Variants in ANKS1A observed in about 807,000 individuals in gnomAD.
ANKS1A encodes ankyrin repeat and sterile alpha motif domain containing 1A, also known as ankyrin repeat and SAM domain-containing protein 1A.
In ANKS1A, 55 loss-of-function variants were observed where a neutral mutation model predicts 120.3. The ratio of observed to expected loss-of-function variants is 0.46; its 90% CI spans 0.37 to 0.57. ANKS1A has a LOEUF of 0.57. ANKS1A is among the 20% of genes least tolerant of loss of function. The probability of loss-of-function intolerance (pLI) is 0.00; values close to 1 mark genes in which losing one functional copy is unlikely to be tolerated. For synonymous variants in ANKS1A, 590 were observed against 604.7 expected, an observed-to-expected ratio of 0.98 and a Z score of 0.36; for missense variants, 1,123 against 1,480.3, an observed-to-expected ratio of 0.76 and a Z score of 3.96.
At chr6:34,929,147 A>G (rs528436489) in intron 1 of ANKS1A, among the ~76,000 whole-genome samples, 47 of 152,354 alleles carry the variant, frequency 3.1e-4, no homozygotes, top group African/African-American at 1.1e-3. Flanking sequence ...AGGCTTTACT[A>G]TAAAGCACTT....
In ANKS1A at chr6:34,982,889, G is replaced by C; in HGVS notation, c.808+62G>C. 2 of 1,603,260 alleles carry C rather than the reference G, an allele frequency of 1.2e-6. No homozygotes were observed. Among genetic ancestry groups the C allele is most frequent in the Non-Finnish European group, 1.7e-6 (2 of 1,170,688 alleles). On this transcript the variant is annotated intron_variant, in intron 5 of 23. Transcript: ENST00000360359. The surrounding 1 kb of genome is among the most constrained non-coding windows in gnomAD (Gnocchi z 4.9). ...CCAGGGTTGGGATTGTTTCTCCCTAGTCCCCTAGGGGGATTTTTGCTGGCT... is the reference window on the plus strand; with the variant it reads ...CCAGGGTTGGGATTGTTTCTCCCTACTCCCCTAGGGGGATTTTTGCTGGCT...
chr6:34,993,617 C>T (rs1772690103), intron 9 of ANKS1A, among the ~76,000 whole-genome samples: 1 of 152,178 alleles, frequency 6.6e-6, no homozygotes, highest in Non-Finnish European at 1.5e-5. Context: ...TCCCAATAAC[C>T]CTCAGGACCT....
intron 13 of ANKS1A, among the ~76,000 whole-genome samples, chr6:35,061,999 C>T (rs1254169899): frequency 1.3e-5 from 2 of 152,240 alleles, no homozygotes; most frequent in Admixed American, 6.5e-5. Context: ...ACCTCTCCTT[C>T]TGCTGATTTT....
At chr6:34,985,371 G>A (rs1004713433) in intron 8 of ANKS1A, 93 bp downstream of exon 8, 4 of 1,307,152 alleles carry the variant, frequency 3.1e-6, no homozygotes, top group Non-Finnish European at 3.2e-6. Flanking sequence ...GTGATCCCTG[G>A]TGCCAGCTCA....
chr6:34,903,572 A>G (rs1011442415), intron 1 of ANKS1A, among the ~76,000 whole-genome samples: 1 of 151,900 alleles, frequency 6.6e-6, no homozygotes, highest in Non-Finnish European at 1.5e-5. Context: ...ATCTTGGCTC[A>G]CAGGGGCCTC....
In ANKS1A at chr6:34,988,378, C is replaced by T. The variant is rs190783397; in HGVS notation, c.1210-846C>T. ...TTGGGAGGCCAAGGCGGGTGGATCA[C>T]AAGGTCAGGAGATCCAGACCATCCT... is the stretch of plus-strand genomic sequence containing the variant. On this transcript the variant is annotated intron_variant, in intron 8 of 23. Coordinates refer to ENST00000360359, the MANE Select transcript of ANKS1A (RefSeq NM_015245.3). Among the ~76,000 whole-genome samples the T allele has an allele frequency of 1.4e-3, 211 of 152,318 alleles. 3 individuals carry two copies. The highest frequency in any genetic ancestry group is 4.0e-3 in the African/African-American group (167 of 41,566).
chr6:35,086,230 G>A lies in ANKS1A; in HGVS notation c.3303+294G>A, dbSNP rs976804342. 9.9e-5 allele frequency: 136 copies of A among 1,368,224 alleles called. No individual in the cohort carries two copies. The highest frequency in any genetic ancestry group is 1.7e-4 in the Admixed American group (8 of 46,352). The allele number at this position is 1,368,224 out of a possible 1,614,324, so 84.8% of individuals were successfully genotyped here. A position where few individuals can be genotyped will look rare whatever the true frequency, so the allele number is the denominator to read the frequency against. On this transcript the variant is annotated intron_variant, in intron 22 of 23. Coordinates refer to ENST00000360359, the MANE Select transcript of ANKS1A (RefSeq NM_015245.3). The surrounding 1 kb of genome is among the most constrained non-coding windows in gnomAD (Gnocchi z 5.1). ...CCTGCAGGCAGCCCCCAGTAACTGCGCCATCCCTGTGTCTGTGTCTGCTTT... is the reference window on the plus strand; with the variant it reads ...CCTGCAGGCAGCCCCCAGTAACTGCACCATCCCTGTGTCTGTGTCTGCTTT...
At chr6:34,994,457 CA>C in intron 10 of ANKS1A, 35 bp downstream of exon 10, 2 of 1,601,912 alleles carry the variant, frequency 1.2e-6, no homozygotes, top group Non-Finnish European at 1.7e-6. Flanking sequence ...GAACCAACTC[CA>C]AAGGGATTTT....
intron 11 of ANKS1A, among the ~76,000 whole-genome samples, chr6:35,049,530 G>A (rs1416082186): frequency 2.6e-5 from 4 of 152,188 alleles, no homozygotes; most frequent in African/African-American, 7.2e-5. Flanking sequence ...TGGAAGAGGC[G>A]AGGTGGAAGG....
chr6:34,973,832 C>A (rs1771305395), intron 3 of ANKS1A, among the ~76,000 whole-genome samples: 1 of 147,864 alleles, frequency 6.8e-6, no homozygotes. Flanking sequence ...TTCTTACCTC[C>A]TTCCCCTTCC....
chr6:35,083,492 G>A lies in ANKS1A; in HGVS notation c.2983G>A (p.Ala995Thr). ...ATACAAAGGTGTCAAGTTCATCGAT[G>A]CCTCCAACAAGGTGTGCTGCTTACA... is the stretch of plus-strand genomic sequence containing the variant. ...ITYKGVKFIDASNKNVIAEHE... is the reference protein window; with the variant it reads ...ITYKGVKFIDTSNKNVIAEHE... The change falls in exon 20 of 24, where the codon GCC (alanine) becomes ACC (threonine). Residue 995 changes from alanine (A) to threonine (T), a missense_variant. By Grantham distance (58) the Ala-to-Thr change is moderately conservative. Coordinates refer to ENST00000360359, the MANE Select transcript of ANKS1A (RefSeq NM_015245.3). The A allele has an allele frequency of 6.2e-7, 1 of 1,614,034 alleles. No homozygotes were observed. Among genetic ancestry groups the A allele is most frequent in the Non-Finnish European group, 8.5e-7 (1 of 1,179,942 alleles).
At chr6:35,077,565 G>A (rs980189548) in intron 13 of ANKS1A, among the ~76,000 whole-genome samples, 9 of 152,220 alleles carry the variant, frequency 5.9e-5, no homozygotes, top group African/African-American at 2.2e-4. Context: ...CCATGGCTGA[G>A]GGATGGGCAG....
Position 35,078,597 on chromosome 6 carries a change from G to A in ANKS1A, c.2224G>A (p.Gly742Ser). Residue 742 changes from glycine to serine, a missense_variant, in exon 14 of 24, where the codon GGC (glycine) becomes AGC (serine). By Grantham distance (56) the Gly-to-Ser change is moderately conservative. Transcript: ENST00000360359. Reference protein sequence around the residue: ...VMEEQDLRDIGISDPQHRRKL... With the variant: ...VMEEQDLRDISISDPQHRRKL... Reference sequence around the variant, plus strand: ...GGAAGAGCAGGACCTGCGGGACATCGGCATCAGCGACCCACAGCACCGGCG... The same window carrying A: ...GGAAGAGCAGGACCTGCGGGACATCAGCATCAGCGACCCACAGCACCGGCG... The A allele has an allele frequency of 5.0e-6, 8 of 1,608,834 alleles. No homozygotes were observed. The highest frequency in any genetic ancestry group is 2.2e-5 in the East Asian group (1 of 44,868).
chr6:35,040,470 G>A (rs12204265), intron 11 of ANKS1A, among the ~76,000 whole-genome samples: 27,506 of 152,076 alleles, frequency 0.18, 2,673 homozygotes, highest in Non-Finnish European at 0.22. Context: ...CCCACTTCTG[G>A]GGGCAAAGGA....
At chr6:34,925,176 C>A (rs137938070) in intron 1 of ANKS1A, among the ~76,000 whole-genome samples, 81 of 152,192 alleles carry the variant, frequency 5.3e-4, no homozygotes, top group Middle Eastern at 6.8e-3. Flanking sequence ...TTAGGTTTGA[C>A]TATCTTAGTA....
At chr6:34,899,057 G>A (rs1328952082) in intron 1 of ANKS1A, among the ~76,000 whole-genome samples, 2 of 152,166 alleles carry the variant, frequency 1.3e-5, no homozygotes, top group Non-Finnish European at 2.9e-5. Context: ...ATCAACAGCT[G>A]AATATTCAAA....
rs971359434 is a variant in ANKS1A at position 35,089,506 on chromosome 6, T to C, written c.*897T>C. ...ATGCTTGGAGTGGGGTCAGCTAAGG[T>C]TGCTACTTGCCAATTTGTGATTTGT... On this transcript the variant is annotated 3_prime_UTR_variant, in exon 24 of 24. Transcript: ENST00000360359. The C allele has an allele frequency of 1.0e-6, 1 of 986,556 alleles. No individual in the cohort carries two copies. Among genetic ancestry groups the C allele is most frequent in the African/African-American group, 1.7e-5 (1 of 57,236 alleles). 61.1% of individuals were successfully genotyped at this position (986,556 alleles called of 1,614,324 possible).
the ANKS1A span, among the ~76,000 whole-genome samples, chr6:35,097,312 C>G: frequency 2.0e-5 from 3 of 152,044 alleles, no homozygotes; most frequent in African/African-American, 7.2e-5. Flanking sequence ...AGTTTGAGAC[C>G]AACCTGGCCA....
intron 13 of ANKS1A, among the ~76,000 whole-genome samples, chr6:35,076,149 C>A (rs373362895): frequency 6.6e-6 from 1 of 152,126 alleles, no homozygotes; most frequent in African/African-American, 2.4e-5. Context: ...GCTGTCCGGG[C>A]GCAGTGGCTC....
Sources: gnomAD v4.1 joint callset for allele counts (sites outside exome capture counted in the v4.1 genomes callset) on GRCh38, gnomAD v4.1.1 for gene constraint, Gnocchi (gnomAD v3.1) non-coding constraint, MANE v1.5 for transcripts, NCBI Gene and HGNC (gene_info 2026-07-23, HGNC 2026-07-21) for gene names.